Variants in GPC5 observed in about 807,000 individuals in gnomAD.
GPC5 encodes the protein glypican-5.
Under a neutral mutation model 53.9 loss-of-function variants are expected in GPC5, and 47 were observed. That is an observed-to-expected ratio of 0.87 (90% confidence interval 0.69 to 1.11). GPC5 has a LOEUF of 1.11. GPC5 is among the 50% of genes most tolerant of loss of function. The pLI, the probability that GPC5 is intolerant of heterozygous loss-of-function variation, is 0.00. For missense variants in GPC5, 748 were observed against 713.1 expected, an observed-to-expected ratio of 1.05 and a Z score of -0.56; for synonymous variants, 286 against 263.3, an observed-to-expected ratio of 1.09 and a Z score of -0.84.
At chr13:92,770,487 A>C (rs1470929225) in intron 7 of GPC5, among the ~76,000 whole-genome samples, 1 of 151,474 alleles carries the variant, frequency 6.6e-6, no homozygotes, top group Non-Finnish European at 1.5e-5. Flanking sequence ...ATTTAAAGTA[A>C]CTTCTCTGCT....
intron 7 of GPC5, among the ~76,000 whole-genome samples, chr13:92,352,665 C>A (rs2043489095): frequency 6.6e-6 from 1 of 152,124 alleles, no homozygotes; most frequent in East Asian, 1.9e-4. Context: ...CCATTTTCCA[C>A]CTATTGTATC....
At chr13:92,277,226 C>A (rs2042882388) in intron 7 of GPC5, among the ~76,000 whole-genome samples, 1 of 151,950 alleles carries the variant, frequency 6.6e-6, no homozygotes, top group African/African-American at 2.4e-5. Flanking sequence ...GGTCTGGGAA[C>A]ATGTAACACC....
intron 6 of GPC5, among the ~76,000 whole-genome samples, chr13:92,038,410 G>T (rs2040913199): frequency 2.6e-5 from 4 of 151,168 alleles, no homozygotes; most frequent in Admixed American, 2.0e-4. Flanking sequence ...ATCCCTGTTT[G>T]GGTGGGGCAT....
chr13:92,759,848 G>A (rs1372328537), intron 7 of GPC5, among the ~76,000 whole-genome samples: 2 of 151,964 alleles, frequency 1.3e-5, no homozygotes, highest in Non-Finnish European at 2.9e-5. Context: ...GTCATCTGTG[G>A]GTTCTTCATA....
chr13:92,153,151 T>C (rs1031675016), intron 7 of GPC5, among the ~76,000 whole-genome samples: 2 of 152,198 alleles, frequency 1.3e-5, no homozygotes, highest in Admixed American at 6.5e-5. Context: ...TCTTTCTTTT[T>C]TTTGAGACTG....
At chr13:91,834,065 T>A (rs1023520686) in intron 5 of GPC5, among the ~76,000 whole-genome samples, 1 of 152,182 alleles carries the variant, frequency 6.6e-6, no homozygotes, top group African/African-American at 2.4e-5. Flanking sequence ...ACAAAATCAA[T>A]GTGCAAAATT....
intron 7 of GPC5, among the ~76,000 whole-genome samples, chr13:92,647,660 T>TA (rs1290223558): frequency 6.6e-6 from 1 of 152,102 alleles, no homozygotes; most frequent in Non-Finnish European, 1.5e-5. Context: ...GACATTAACA[T>TA]AAAAATTGTT....
chr13:92,112,765 T>A (rs1270848213), intron 6 of GPC5, among the ~76,000 whole-genome samples: 1 of 152,138 alleles, frequency 6.6e-6, no homozygotes, highest in East Asian at 1.9e-4. Flanking sequence ...TATGTATGTG[T>A]TGTGAAAAAT....
intron 7 of GPC5, among the ~76,000 whole-genome samples, chr13:92,761,422 T>C (rs1210679475): frequency 2.6e-5 from 4 of 152,182 alleles, no homozygotes; most frequent in Non-Finnish European, 5.9e-5. Flanking sequence ...AATAGAGCCC[T>C]CTATCATTAA....
intron 6 of GPC5, among the ~76,000 whole-genome samples, chr13:92,051,433 C>A (rs563725703): frequency 6.6e-6 from 1 of 151,548 alleles, no homozygotes; most frequent in African/African-American, 2.4e-5. Flanking sequence ...ATCTCTTGAC[C>A]TTGTGATCCA....
At chr13:91,896,100 AT>A (rs2039439057) in intron 5 of GPC5, among the ~76,000 whole-genome samples, 1 of 147,498 alleles carries the variant, frequency 6.8e-6, no homozygotes, top group Non-Finnish European at 1.5e-5. Flanking sequence ...TAATCCCCCC[AT>A]TTAAAATTTT....
chr13:91,703,003 A>G (rs1047044133), intron 3 of GPC5, among the ~76,000 whole-genome samples: 1 of 152,120 alleles, frequency 6.6e-6, no homozygotes, highest in Non-Finnish European at 1.5e-5. Context: ...ATTTAAAAAT[A>G]TACCTGTTGG....
chr13:91,495,411 G>T (rs111595640), intron 2 of GPC5, among the ~76,000 whole-genome samples: 3 of 152,092 alleles, frequency 2.0e-5, no homozygotes, highest in Admixed American at 1.3e-4. Context: ...CCCTCCAATG[G>T]CACCCATTTC....
chr13:91,805,858 G>A (rs987534589), intron 5 of GPC5, among the ~76,000 whole-genome samples: 2 of 151,964 alleles, frequency 1.3e-5, no homozygotes, highest in African/African-American at 4.8e-5. Flanking sequence ...CTTATATAAA[G>A]TACCAGAGTT....
chr13:92,277,737 C>G (rs962792274), intron 7 of GPC5, among the ~76,000 whole-genome samples: 5 of 151,930 alleles, frequency 3.3e-5, no homozygotes, highest in African/African-American at 1.2e-4. Context: ...AAAAATGGCA[C>G]TGCAGACAAC....
At chr13:92,379,617 A>T (rs146805465) in intron 7 of GPC5, among the ~76,000 whole-genome samples, 8 of 148,656 alleles carry the variant, frequency 5.4e-5, no homozygotes, top group African/African-American at 2.0e-4. Flanking sequence ...TGTCCTCTGC[A>T]TATTAGTTCC....
At chr13:91,743,562 G>T (rs917383502) in intron 4 of GPC5, among the ~76,000 whole-genome samples, 1 of 152,060 alleles carries the variant, frequency 6.6e-6, no homozygotes, top group African/African-American at 2.4e-5. Flanking sequence ...TATAATAGGG[G>T]AAAATGGGAA....
At chr13:91,660,823 C>A (rs576015103) in intron 2 of GPC5, among the ~76,000 whole-genome samples, 3 of 152,088 alleles carry the variant, frequency 2.0e-5, no homozygotes, top group Admixed American at 2.0e-4. Flanking sequence ...TAAACCTTCT[C>A]CTCCTTCTCT....
At chr13:91,873,297 T>C (rs2039167437) in intron 5 of GPC5, among the ~76,000 whole-genome samples, 1 of 152,210 alleles carries the variant, frequency 6.6e-6, no homozygotes, top group Non-Finnish European at 1.5e-5. Flanking sequence ...ACTTAAAATT[T>C]CAACTCACCA....
Sources: gnomAD v4.1 joint callset for allele counts (sites outside exome capture counted in the v4.1 genomes callset) on GRCh38, gnomAD v4.1.1 for gene constraint, MANE v1.5 for transcripts, NCBI Gene and HGNC (gene_info 2026-07-23, HGNC 2026-07-21) for gene names.